Variants in NXPH1 observed in about 807,000 individuals in gnomAD.
NXPH1 encodes neurexophilin-1.
NXPH1 carries 5 observed loss-of-function variants against 23.7 expected under a neutral mutation model. The observed-to-expected ratio is 0.21, with a 90% CI of 0.11 to 0.44. The LOEUF (loss-of-function observed/expected upper bound fraction) is 0.44. Ranked by LOEUF, NXPH1 falls within the 20% of genes least tolerant of loss-of-function variation. The pLI is 0.99. For missense variants in NXPH1, 324 were observed against 321.6 expected (o/e 1.01, Z -0.06); for synonymous variants, 144 against 122.2 (o/e 1.18, Z -1.18).
chr7:8,436,691 C>G (rs1206677336), intron 2 of NXPH1, among the ~76,000 whole-genome samples: 1 of 152,152 alleles, frequency 6.6e-6, no homozygotes, highest in East Asian at 1.9e-4. Flanking sequence ...TTCAGTGTCC[C>G]GACCCCCATA....
intron 2 of NXPH1, among the ~76,000 whole-genome samples, chr7:8,676,162 A>G (rs1820948694): frequency 6.6e-6 from 1 of 152,224 alleles, no homozygotes; most frequent in Admixed American, 6.5e-5. Context: ...CACAGCCTTG[A>G]AAACAAGTAT....
chr7:8,712,044 T>C (rs1213650245), intron 2 of NXPH1, among the ~76,000 whole-genome samples: 1 of 152,218 alleles, frequency 6.6e-6, no homozygotes, highest in East Asian at 1.9e-4. Flanking sequence ...CTCTGAAAGC[T>C]CAAGGTTGTT....
intron 2 of NXPH1, among the ~76,000 whole-genome samples, chr7:8,479,851 G>A (rs1369773444): frequency 6.6e-6 from 1 of 152,150 alleles, no homozygotes; most frequent in African/African-American, 2.4e-5. Context: ...AGTTAAATGT[G>A]TGAGTAGATA....
At position 8,442,961 on chromosome 7, in the gene NXPH1, G is replaced by A. The variant is rs1346834965; in HGVS notation, c.54+7194G>A. Among the ~76,000 whole-genome samples, 1 of 152,226 alleles carries A rather than the reference G, an allele frequency of 6.6e-6. No individual in the cohort carries two copies. The highest frequency in any genetic ancestry group is 1.9e-4 in the East Asian group (1 of 5,192). On this transcript the variant is annotated intron_variant, in intron 2 of 2. Transcript: ENST00000405863. This position sits in a 1 kb window ranked among gnomAD's most constrained non-coding sequence, Gnocchi z 4.6. Reference sequence around the variant, plus strand: ...GGCGGGCGTGGGGCACGCCAGGGCCGGGAGAGCGACTCTTCAGCACCACGG... The same window carrying A: ...GGCGGGCGTGGGGCACGCCAGGGCCAGGAGAGCGACTCTTCAGCACCACGG...
intron 2 of NXPH1, among the ~76,000 whole-genome samples, chr7:8,441,665 C>T (rs1057401114): frequency 2.0e-5 from 3 of 152,096 alleles, no homozygotes; most frequent in Non-Finnish European, 4.4e-5. Flanking sequence ...AAAGAGCGCC[C>T]GTCTCAATTA....
chr7:8,485,617 T>G (rs972105473), intron 2 of NXPH1, among the ~76,000 whole-genome samples: 2 of 152,022 alleles, frequency 1.3e-5, no homozygotes, highest in Non-Finnish European at 2.9e-5. Flanking sequence ...GGAGGTGGGA[T>G]AGACTAGAGG....
intron 2 of NXPH1, among the ~76,000 whole-genome samples, chr7:8,519,430 G>A (rs183769702): frequency 1.8e-4 from 28 of 152,190 alleles, no homozygotes; most frequent in Admixed American, 5.2e-4. Context: ...TTCCTACAGT[G>A]TTTCCCAACA....
intron 2 of NXPH1, among the ~76,000 whole-genome samples, chr7:8,515,186 G>C (rs1256937165): frequency 6.6e-6 from 1 of 152,076 alleles, no homozygotes; most frequent in Non-Finnish European, 1.5e-5. Flanking sequence ...TGTTTCCCAT[G>C]GGGGATGATT....
chr7:8,498,375 T>C (rs1239156926), intron 2 of NXPH1, among the ~76,000 whole-genome samples: 1 of 152,064 alleles, frequency 6.6e-6, no homozygotes, highest in Non-Finnish European at 1.5e-5. Context: ...TGATAGATTT[T>C]TGTCTTGGCT....
chr7:8,746,560 G>T (rs1456727779), intron 2 of NXPH1, among the ~76,000 whole-genome samples: 1 of 152,154 alleles, frequency 6.6e-6, no homozygotes, highest in Admixed American at 6.5e-5. Context: ...AGTCACAGCA[G>T]CACTTTCAAA....
chr7:8,530,152 T>C (rs1270280064), intron 2 of NXPH1, among the ~76,000 whole-genome samples: 3 of 152,152 alleles, frequency 2.0e-5, no homozygotes, highest in Non-Finnish European at 4.4e-5. Context: ...GAAGAGCCTG[T>C]TGGAAGTGGA....
chr7:8,486,101 G>A, intron 2 of NXPH1, among the ~76,000 whole-genome samples: 1 of 152,098 alleles, frequency 6.6e-6, no homozygotes, highest in Non-Finnish European at 1.5e-5. Flanking sequence ...TTCCCCATCT[G>A]AATAAGTCAA....
chr7:8,696,840 C>CGAAAAA (rs1779528448), intron 2 of NXPH1, among the ~76,000 whole-genome samples: 1 of 96,988 alleles, frequency 1.0e-5, no homozygotes, highest in African/African-American at 4.0e-5. Flanking sequence ...GACTCCCTCT[C>CGAAAAA]AAAAAAAAAA....
At chr7:8,485,875 A>G (rs1817150184) in intron 2 of NXPH1, among the ~76,000 whole-genome samples, 1 of 152,166 alleles carries the variant, frequency 6.6e-6, no homozygotes, top group Non-Finnish European at 1.5e-5. Context: ...ACTTAAATCA[A>G]TGTCATAAAA....
At chr7:8,619,674 T>C (rs921780660) in intron 2 of NXPH1, among the ~76,000 whole-genome samples, 3 of 152,168 alleles carry the variant, frequency 2.0e-5, no homozygotes, top group Non-Finnish European at 4.4e-5. Flanking sequence ...AGATATCATG[T>C]CTTATCTTAT....
intron 2 of NXPH1, among the ~76,000 whole-genome samples, chr7:8,497,735 T>A (rs1444865079): frequency 6.6e-6 from 1 of 152,182 alleles, no homozygotes; most frequent in Non-Finnish European, 1.5e-5. Context: ...GTAAATTTGT[T>A]TAAGTTCTTT....
rs188566472 is a variant in NXPH1, at chr7:8,735,901, A to G, written c.55-15107A>G. On this transcript the variant is annotated intron_variant, in intron 2 of 2. Transcript: ENST00000405863. ...GTCCAGGAATTTATCCATTTTTTCT[A>G]GATCTTCTAGTTTATTTGCATAGAG... Among the ~76,000 whole-genome samples the G allele has an allele frequency of 7.2e-5, 11 of 152,218 alleles. No homozygotes were observed. The East Asian group carries it at 2.1e-3, about 29-fold the overall frequency.
chr7:8,583,171 C>G (rs1562411696), intron 2 of NXPH1, among the ~76,000 whole-genome samples: 3 of 152,352 alleles, frequency 2.0e-5, no homozygotes, highest in Admixed American at 2.0e-4. Context: ...AATGAGGACT[C>G]CCATCCTGAC....
rs1816462431 is a variant in NXPH1 at position 8,449,277 on chromosome 7, ATGCCCCCTTCCAAGGCAT to A, written c.54+13516_54+13533del. 2.6e-5 allele frequency among the ~76,000 whole-genome samples: 4 copies of A among 152,218 alleles called. No homozygotes were observed. In the South Asian group the frequency reaches 8.3e-4, roughly 32 times the overall value. Reference sequence around the variant, plus strand: ...AAAAATATCTTGTATAGGTTACCCTATGCCCCCTTCCAAGGCATTGCCCTGGGTATCCAAGAAAAGTTC... The same window carrying A: ...AAAAATATCTTGTATAGGTTACCCTATGCCCTGGGTATCCAAGAAAAGTTC... On this transcript the variant is annotated intron_variant, in intron 2 of 2. Coordinates refer to ENST00000405863, the MANE Select transcript of NXPH1 (RefSeq NM_152745.3).
Sources: gnomAD v4.1 joint callset for allele counts (sites outside exome capture counted in the v4.1 genomes callset) on GRCh38, gnomAD v4.1.1 for gene constraint, Gnocchi (gnomAD v3.1) non-coding constraint, MANE v1.5 for transcripts, NCBI Gene and HGNC (gene_info 2026-07-23, HGNC 2026-07-21) for gene names.